Variants in SPIDR observed in about 807,000 individuals in gnomAD.
SPIDR encodes the protein DNA repair-scaffolding protein.
In SPIDR, 93 loss-of-function variants were observed where a neutral mutation model predicts 104.6. The observed-to-expected ratio is 0.89, with a 90% CI of 0.75 to 1.06. SPIDR has a LOEUF of 1.06. Ranked by LOEUF, SPIDR falls within the 50% of genes least tolerant of loss-of-function variation. The pLI, the probability that SPIDR is intolerant of heterozygous loss-of-function variation, is 0.00. For synonymous variants in SPIDR, 431 were observed against 416.9 expected (o/e 1.03, Z -0.41); for missense variants, 1,154 against 1,111.2 (o/e 1.04, Z -0.55).
intron 10 of SPIDR, among the ~76,000 whole-genome samples, chr8:47,642,212 A>G (rs1231738570): frequency 2.0e-5 from 3 of 151,812 alleles, no homozygotes; most frequent in South Asian, 2.1e-4. Context: ...TCACGAAGTA[A>G]GGAGATCAAG....
intron 8 of SPIDR, among the ~76,000 whole-genome samples, chr8:47,502,461 G>A (rs955947318): frequency 4.6e-5 from 7 of 152,170 alleles, no homozygotes; most frequent in Non-Finnish European, 8.8e-5. Flanking sequence ...ATGGTAGTTT[G>A]TGTTTCTGTG....
At chr8:47,430,474 A>G (rs1009751864) in intron 7 of SPIDR, among the ~76,000 whole-genome samples, 45 of 150,760 alleles carry the variant, frequency 3.0e-4, no homozygotes, top group Non-Finnish European at 6.1e-4. Context: ...TTAAGAATCA[A>G]GGATAAAGTG....
At chr8:47,695,278 T>C (rs2079172152) in intron 11 of SPIDR, among the ~76,000 whole-genome samples, 1 of 151,782 alleles carries the variant, frequency 6.6e-6, no homozygotes, top group African/African-American at 2.4e-5. Context: ...AAATGAACTC[T>C]CTTGGAGAGG....
chr8:47,563,309 A>G (rs2057324539), intron 8 of SPIDR, among the ~76,000 whole-genome samples: 1 of 152,038 alleles, frequency 6.6e-6, no homozygotes, highest in African/African-American at 2.4e-5. Flanking sequence ...AGCTGAGATT[A>G]CCAGCGTGCA....
chr8:47,675,835 T>C (rs758320566), intron 11 of SPIDR, among the ~76,000 whole-genome samples: 9 of 152,204 alleles, frequency 5.9e-5, no homozygotes, highest in Non-Finnish European at 1.3e-4. Flanking sequence ...ATATTCATTG[T>C]AAACATTTCA....
intron 8 of SPIDR, among the ~76,000 whole-genome samples, chr8:47,535,637 G>A (rs575745394): frequency 1.3e-5 from 2 of 152,156 alleles, no homozygotes; most frequent in African/African-American, 4.8e-5. Flanking sequence ...CAAATCTTAT[G>A]AATAGATGGA....
chr8:47,588,322 CT>C (rs764362860), intron 8 of SPIDR, among the ~76,000 whole-genome samples: 4,433 of 132,496 alleles, frequency 0.033, 194 homozygotes, highest in African/African-American at 0.1. Context: ...TTATTTTGGT[CT>C]TTTTTTTTTT....
chr8:47,466,255 T>C (rs1297719854), intron 8 of SPIDR, among the ~76,000 whole-genome samples: 2 of 152,174 alleles, frequency 1.3e-5, no homozygotes, highest in Admixed American at 1.3e-4. Context: ...ACTCTAAGAT[T>C]GACCACATAA....
intron 8 of SPIDR, among the ~76,000 whole-genome samples, chr8:47,467,549 G>C (rs2075075738): frequency 6.6e-6 from 1 of 152,102 alleles, no homozygotes; most frequent in African/African-American, 2.4e-5. Context: ...ATGCAAGATT[G>C]GTTCAACATA....
At chr8:47,495,695 A>G (rs1266588970) in intron 8 of SPIDR, among the ~76,000 whole-genome samples, 1 of 152,204 alleles carries the variant, frequency 6.6e-6, no homozygotes, top group East Asian at 1.9e-4. Flanking sequence ...TCTGTAATCT[A>G]TTTTGAGTTA....
chr8:47,395,026 G>A (rs2061092475), intron 5 of SPIDR, among the ~76,000 whole-genome samples: 1 of 152,162 alleles, frequency 6.6e-6, no homozygotes, highest in African/African-American at 2.4e-5. Context: ...GACGAGGTAT[G>A]GAGATGGATG....
At chr8:47,714,006 G>A (rs2082230159) in intron 16 of SPIDR, among the ~76,000 whole-genome samples, 1 of 152,168 alleles carries the variant, frequency 6.6e-6, no homozygotes. Context: ...ACATTCCTGG[G>A]AAGAGAGCAG....
chr8:47,412,252 G>C (rs536011596), intron 7 of SPIDR, among the ~76,000 whole-genome samples: 1 of 152,250 alleles, frequency 6.6e-6, no homozygotes, highest in Non-Finnish European at 1.5e-5. Context: ...GGACAGTATG[G>C]CCATTTTCAC....
chr8:47,453,968 G>A (rs539488749), intron 8 of SPIDR, among the ~76,000 whole-genome samples: 1 of 151,996 alleles, frequency 6.6e-6, no homozygotes, highest in African/African-American at 2.4e-5. Context: ...TCATTAAAAA[G>A]TCAGGAAACA....
rs191645554 is a variant in SPIDR at position 47,494,405 on chromosome 8, C to A, written c.1097+53863C>A. On this transcript the variant is annotated intron_variant, in intron 8 of 19. Transcript: ENST00000297423. ...CCCCAGGCTCAGACAATCCTCCCAC[C>A]TCATTTTTGAGAAATAACATTTTTC... 1.5e-3 allele frequency among the ~76,000 whole-genome samples: 234 copies of A among 152,116 alleles called. 1 individual carries two copies. The highest frequency in any genetic ancestry group is 1.7e-3 in the Admixed American group (26 of 15,262).
chr8:47,455,223 A>G (rs1554709091), intron 8 of SPIDR, among the ~76,000 whole-genome samples: 1 of 152,172 alleles, frequency 6.6e-6, no homozygotes, highest in South Asian at 2.1e-4. Context: ...GTCTGTGACA[A>G]TCAGAATAAA....
intron 8 of SPIDR, among the ~76,000 whole-genome samples, chr8:47,457,070 T>A (rs895303474): frequency 6.6e-6 from 1 of 152,208 alleles, no homozygotes; most frequent in Non-Finnish European, 1.5e-5. Context: ...TAAACATGCA[T>A]GTGCCAGTAT....
chr8:47,466,258 C>T (rs150824623), intron 8 of SPIDR, among the ~76,000 whole-genome samples: 1,615 of 152,218 alleles, frequency 0.011, 10 homozygotes, highest in Non-Finnish European at 0.016. Flanking sequence ...CTAAGATTGA[C>T]CACATAATTG....
In SPIDR at chr8:47,273,955, C is replaced by G. The variant is rs1460185485; in HGVS notation, c.34-5907C>G. ...CTTTCTCAGAGGTTACTGAGTGGAG[C>G]TGAAAATACCAACCCACTAATCCTC... On this transcript the variant is annotated intron_variant, in intron 1 of 19. Transcript: ENST00000297423. Among the ~76,000 whole-genome samples the G allele has an allele frequency of 5.9e-5, 9 of 152,236 alleles. 1 individual carries two copies. The East Asian group carries it at 1.7e-3, about 29-fold the overall frequency.
Sources: allele counts gnomAD v4.1 joint callset (sites outside exome capture counted in the v4.1 genomes callset), GRCh38; gene constraint gnomAD v4.1.1; transcripts MANE v1.5; gene names NCBI Gene and HGNC (gene_info 2026-07-23, HGNC 2026-07-21).